The following OR2L13 variants were observed in gnomAD, a reference collection of about 807,000 sequenced individuals.
OR2L13 encodes the protein olfactory receptor family 2 subfamily L member 13, also known as olfactory receptor 2L13.
OR2L13 carries 14 observed loss-of-function variants against 15.3 expected under a neutral mutation model. The observed-to-expected ratio is 0.91, with a 90% CI of 0.60 to 1.43. OR2L13 has a LOEUF of 1.43. Among genes scored for constraint, OR2L13 ranks in the 40% most tolerant of loss-of-function variants. OR2L13 has a pLI of 0.00. For synonymous variants in OR2L13, 152 were observed against 142.9 expected (o/e 1.06, Z -0.45); for missense variants, 367 against 387.9 (o/e 0.95, Z 0.45).
At chr1:247,993,439 A>G in the OR2L13 span, among the ~76,000 whole-genome samples, 1 of 151,306 alleles carries the variant, frequency 6.6e-6, no homozygotes, top group East Asian at 1.9e-4. Context: ...GTAGAGGAAT[A>G]AGTGTGTAGG....
At chr1:247,949,120 A>G in the OR2L13 span, 4 of 1,614,010 alleles carry the variant, frequency 2.5e-6, no homozygotes, top group Non-Finnish European at 3.4e-6. Context: ...CTGCATGGAA[A>G]CAAGTCTATC....
chr1:248,068,273 AC>A, the OR2L13 span, among the ~76,000 whole-genome samples: 1 of 152,146 alleles, frequency 6.6e-6, no homozygotes, highest in South Asian at 2.1e-4. Flanking sequence ...GACACCTCAC[AC>A]GGCCGGGTAC....
At chr1:248,003,519 A>G in the OR2L13 span, 4 of 1,612,224 alleles carry the variant, frequency 2.5e-6, no homozygotes, top group South Asian at 2.2e-5. Context: ...TTTCCTCTCC[A>G]CTATCTCATC....
chr1:247,949,828 G>C, the OR2L13 span: 1 of 1,532,322 alleles, frequency 6.5e-7, no homozygotes, highest in Non-Finnish European at 8.9e-7. Flanking sequence ...TCAGGACTCA[G>C]ATACACATCC....
At chr1:248,094,121 A>C (rs960981987), upstream of OR2L13, among the ~76,000 whole-genome samples, 5 of 152,144 alleles carry the variant, frequency 3.3e-5, no homozygotes, top group Admixed American at 1.3e-4. Flanking sequence ...AGGTACCCCA[A>C]ATACCCTTAT....
chr1:248,075,820 G>A, the OR2L13 span, among the ~76,000 whole-genome samples: 3 of 152,130 alleles, frequency 2.0e-5, no homozygotes, highest in Non-Finnish European at 4.4e-5. Context: ...TCACTTTGAT[G>A]GTGGTTTATT....
chr1:247,974,584 G>A, the OR2L13 span, among the ~76,000 whole-genome samples: 1 of 151,914 alleles, frequency 6.6e-6, no homozygotes, highest in Non-Finnish European at 1.5e-5. Flanking sequence ...AAGTATATAT[G>A]GATCCAAAGA....
the OR2L13 span, chr1:248,023,245 T>C: frequency 3.8e-5 from 6 of 159,328 alleles, no homozygotes; most frequent in Admixed American, 3.0e-4. Flanking sequence ...AATAACAAAT[T>C]ATTTAAGATT....
chr1:248,044,825 A>C, the OR2L13 span, among the ~76,000 whole-genome samples: 33 of 81,312 alleles, frequency 4.1e-4, 4 homozygotes, highest in African/African-American at 1.2e-3. Flanking sequence ...AAAAAAAAAA[A>C]AAAAAAAAAA....
the OR2L13 span, chr1:248,003,146 C>G: frequency 2.2e-6 from 3 of 1,370,662 alleles, no homozygotes; most frequent in Non-Finnish European, 3.1e-6. Context: ...AAATTGCAAT[C>G]AAACATCAAC....
chr1:247,973,336 T>C, the OR2L13 span, among the ~76,000 whole-genome samples: 1 of 152,172 alleles, frequency 6.6e-6, no homozygotes, highest in South Asian at 2.1e-4. Context: ...GGAAGTCCAA[T>C]TGCCTCTGTT....
the OR2L13 span, among the ~76,000 whole-genome samples, chr1:248,085,933 A>G: frequency 6.6e-6 from 1 of 152,156 alleles, no homozygotes; most frequent in East Asian, 1.9e-4. Context: ...GCAGAACTCA[A>G]TGGGTAATGC....
At chr1:247,985,576 G>T in the OR2L13 span, among the ~76,000 whole-genome samples, 15 of 152,268 alleles carry the variant, frequency 9.9e-5, 1 homozygote, top group South Asian at 2.1e-3. Context: ...ACATACGTGT[G>T]CATGTGTCTT....
chr1:248,078,253 C>T, the OR2L13 span, among the ~76,000 whole-genome samples: 2 of 152,020 alleles, frequency 1.3e-5, no homozygotes, highest in African/African-American at 2.4e-5. Context: ...GAGGCTGAGG[C>T]GGGTGGATCA....
At chr1:248,059,250 A>T in the OR2L13 span, among the ~76,000 whole-genome samples, 1 of 152,184 alleles carries the variant, frequency 6.6e-6, no homozygotes, top group Non-Finnish European at 1.5e-5. Flanking sequence ...ATTTAAGCCT[A>T]AAAAACTCCA....
chr1:247,990,442 AT>A, the OR2L13 span: 8 of 1,583,160 alleles, frequency 5.1e-6, no homozygotes, highest in Non-Finnish European at 6.1e-6. Flanking sequence ...ACACCCATGT[AT>A]TTCCTACTTA....
the OR2L13 span, chr1:247,991,328 A>AT: frequency 1.5e-6 from 1 of 647,632 alleles, no homozygotes; most frequent in Non-Finnish European, 2.5e-6. Flanking sequence ...AAAGATTTGT[A>AT]TTTTAATTTA....
chr1:247,946,755 C>T, the OR2L13 span, among the ~76,000 whole-genome samples: 5,573 of 152,246 alleles, frequency 0.037, 117 homozygotes, highest in African/African-American at 0.057. Flanking sequence ...CCCCAGGTTC[C>T]TTACCCTTCT....
the OR2L13 span, among the ~76,000 whole-genome samples, chr1:248,018,124 C>T: frequency 2.0e-5 from 3 of 147,932 alleles, no homozygotes; most frequent in Admixed American, 1.3e-4. Flanking sequence ...CACTGCACTC[C>T]AGCCTAGGCG....
Sources: allele counts gnomAD v4.1 joint callset (sites outside exome capture counted in the v4.1 genomes callset), GRCh38; gene constraint gnomAD v4.1.1; transcripts MANE v1.5; gene names NCBI Gene and HGNC (gene_info 2026-07-23, HGNC 2026-07-21).